The following RAB28 variants were observed in gnomAD, a reference collection of about 807,000 sequenced individuals.
The protein encoded by RAB28 is ras-related protein Rab-28.
Under a neutral mutation model 31.7 loss-of-function variants are expected in RAB28, and 24 were observed. That is an observed-to-expected ratio of 0.76 (90% confidence interval 0.55 to 1.06). RAB28 has a LOEUF of 1.06. Among genes scored for constraint, RAB28 ranks in the 50% least tolerant of loss-of-function variants. The pLI is 0.00. For synonymous variants in RAB28, 100 were observed against 90.4 expected (o/e 1.11, Z -0.60); for missense variants, 254 against 258.5 (o/e 0.98, Z 0.12).
intron 6 of RAB28, 51 bp downstream of exon 6, chr4:13,376,494 G>T: frequency 7.5e-7 from 1 of 1,339,370 alleles, no homozygotes; most frequent in Non-Finnish European, 1.0e-6. Flanking sequence ...GAAAATTAAT[G>T]CCTTGTAAGA....
At chr4:13,416,929 G>A (rs780430945) in intron 4 of RAB28, among the ~76,000 whole-genome samples, 20 of 152,190 alleles carry the variant, frequency 1.3e-4, no homozygotes, top group African/African-American at 2.2e-4. Flanking sequence ...GAAGCAGGGC[G>A]GGGCATCACT....
At chr4:13,436,815 T>C (rs565875612) in intron 4 of RAB28, among the ~76,000 whole-genome samples, 11 of 152,184 alleles carry the variant, frequency 7.2e-5, no homozygotes, top group African/African-American at 2.6e-4. Context: ...TCAAAGCAAT[T>C]CCTATCAAAT....
intron 4 of RAB28, among the ~76,000 whole-genome samples, chr4:13,407,812 T>C (rs957655563): frequency 3.3e-5 from 5 of 152,188 alleles, no homozygotes; most frequent in African/African-American, 1.2e-4. Context: ...TTTGGCTCTC[T>C]GTTTGTCTAT....
chr4:13,479,394 T>A, intron 2 of RAB28, 36 bp downstream of exon 2: 1 of 1,448,962 alleles, frequency 6.9e-7, no homozygotes, highest in Non-Finnish European at 9.5e-7. Context: ...AAGATTTTTT[T>A]ATAATCTTCT....
intron 4 of RAB28, among the ~76,000 whole-genome samples, chr4:13,395,692 C>A (rs562830742): frequency 1.3e-5 from 2 of 152,048 alleles, no homozygotes; most frequent in South Asian, 4.1e-4. Flanking sequence ...TTAAACTAGA[C>A]ATATCAAATG....
intron 4 of RAB28, among the ~76,000 whole-genome samples, chr4:13,393,161 A>G (rs1729720794): frequency 6.6e-6 from 1 of 152,252 alleles, no homozygotes; most frequent in Non-Finnish European, 1.5e-5. Flanking sequence ...AAGACAATCT[A>G]TAACAGGAGT....
chr4:13,394,064 A>G (rs997486995), intron 4 of RAB28, among the ~76,000 whole-genome samples: 2 of 152,158 alleles, frequency 1.3e-5, no homozygotes, highest in Non-Finnish European at 2.9e-5. Context: ...AAATGAGTCA[A>G]TTACTACAAT....
intron 4 of RAB28, among the ~76,000 whole-genome samples, chr4:13,400,712 T>C (rs1026136100): frequency 2.3e-4 from 35 of 152,248 alleles, no homozygotes; most frequent in African/African-American, 7.9e-4. Flanking sequence ...ACAGATGCCA[T>C]TTATGAAGTT....
At chr4:13,419,317 C>T (rs1212107091) in intron 4 of RAB28, among the ~76,000 whole-genome samples, 2 of 152,138 alleles carry the variant, frequency 1.3e-5, no homozygotes, top group African/African-American at 4.8e-5. Flanking sequence ...TTTAACACCC[C>T]ACTGTCAATA....
intron 2 of RAB28, among the ~76,000 whole-genome samples, chr4:13,476,241 T>C (rs1190286157): frequency 6.6e-6 from 1 of 151,534 alleles, no homozygotes; most frequent in Non-Finnish European, 1.5e-5. Flanking sequence ...AAATTCTGAC[T>C]ACAATCATAT....
chr4:13,377,366 T>C (rs191728702), intron 5 of RAB28, among the ~76,000 whole-genome samples: 57 of 152,230 alleles, frequency 3.7e-4, no homozygotes, highest in African/African-American at 1.4e-3. Flanking sequence ...CACATGCTTA[T>C]AGAATATTTA....
At chr4:13,373,792 G>A (rs933092365) in intron 6 of RAB28, among the ~76,000 whole-genome samples, 7 of 152,084 alleles carry the variant, frequency 4.6e-5, no homozygotes, top group Non-Finnish European at 1.0e-4. Context: ...TATTATAGTA[G>A]AGCATCAACA....
chr4:13,426,672 A>C (rs1437963312), intron 4 of RAB28, among the ~76,000 whole-genome samples: 1 of 152,202 alleles, frequency 6.6e-6, no homozygotes, highest in East Asian at 1.9e-4. Context: ...CCTAGTATTT[A>C]GCATGATTCC....
intron 4 of RAB28, among the ~76,000 whole-genome samples, chr4:13,393,855 C>CAAAA (rs759509251): frequency 1.5e-4 from 12 of 79,290 alleles, no homozygotes; most frequent in East Asian, 5.6e-4. Flanking sequence ...TCACAGGCTA[C>CAAAA]AAAAAAAAAA....
intron 3 of RAB28, among the ~76,000 whole-genome samples, chr4:13,470,179 G>A (rs910055504): frequency 7.2e-5 from 11 of 151,920 alleles, no homozygotes; most frequent in Admixed American, 1.3e-4. Flanking sequence ...TCTCTAATAC[G>A]CAAGACAAAT....
rs188220803 is a variant in RAB28 at position 13,446,562 on chromosome 4, T to G, written c.391+14137A>C. ...CTGTGGAAAAGCGTAGCACCCGGGG[T>G]AGGTAGCACAGGACCTCACCGCTTC... is the stretch of plus-strand genomic sequence containing the variant. On this transcript the variant is annotated intron_variant, in intron 4 of 6. Transcript: ENST00000330852. Among the ~76,000 whole-genome samples the G allele has an allele frequency of 7.4e-3, 1,133 of 152,152 alleles. 2 individuals are homozygous for G. The highest frequency in any genetic ancestry group is 7.7e-3 in the Non-Finnish European group (526 of 67,994).
intron 4 of RAB28, among the ~76,000 whole-genome samples, chr4:13,408,549 C>T (rs945306928): frequency 4.6e-5 from 7 of 151,878 alleles, no homozygotes; most frequent in Non-Finnish European, 7.4e-5. Context: ...AGGGAGGAGT[C>T]GCACTTTTTC....
In RAB28 at chr4:13,467,077, G is replaced by C. The variant is rs978622683; in HGVS notation, c.262-6249C>G. Among the ~76,000 whole-genome samples, 4 of 151,808 alleles carry C rather than the reference G, an allele frequency of 2.6e-5. 1 individual carries two copies. In the South Asian group the frequency reaches 8.3e-4, roughly 31 times the overall value. Reference sequence around the variant, plus strand: ...GGTACAAAATCTCAGGAGATATAAAGATTTTTTTTTGAGAACTATTGCACA... The same window carrying C: ...GGTACAAAATCTCAGGAGATATAAACATTTTTTTTTGAGAACTATTGCACA... On this transcript the variant is annotated intron_variant, in intron 3 of 6. Coordinates refer to ENST00000330852, the MANE Select transcript of RAB28 (RefSeq NM_001017979.3).
intron 4 of RAB28, among the ~76,000 whole-genome samples, chr4:13,408,181 C>G (rs2124734): frequency 0.99 from 151,400 of 152,332 alleles, 75,247 homozygotes; most frequent in Middle Eastern, 1. Flanking sequence ...TTTGAGATAC[C>G]TTCCATCAGT....
Sources: allele counts gnomAD v4.1 joint callset (sites outside exome capture counted in the v4.1 genomes callset), GRCh38; gene constraint gnomAD v4.1.1; transcripts MANE v1.5; gene names NCBI Gene and HGNC (gene_info 2026-07-23, HGNC 2026-07-21).